Variants in CHRM3 observed in about 807,000 individuals in gnomAD.
The protein encoded by CHRM3 is cholinergic receptor muscarinic 3.
Under a neutral mutation model 41.8 loss-of-function variants are expected in CHRM3, and 11 were observed. That is an observed-to-expected ratio of 0.26 (90% CI 0.17 to 0.44). The LOEUF (loss-of-function observed/expected upper bound fraction) is 0.44. Among genes scored for constraint, CHRM3 ranks in the 20% least tolerant of loss-of-function variants. The pLI is 1.00. For synonymous variants in CHRM3, 297 were observed against 301.4 expected (o/e 0.99, Z 0.15); for missense variants, 571 against 745.4 (o/e 0.77, Z 2.72).
At chr1:239,405,979 C>T (rs1660562886) in intron 1 of CHRM3, among the ~76,000 whole-genome samples, 1 of 152,124 alleles carries the variant, frequency 6.6e-6, no homozygotes, top group Admixed American at 6.5e-5. Context: ...GCAACCTCCG[C>T]CTCCCGGGTT....
chr1:239,892,083 T>A (rs1203366798), intron 6 of CHRM3, among the ~76,000 whole-genome samples: 1 of 152,232 alleles, frequency 6.6e-6, no homozygotes, highest in East Asian at 1.9e-4. Context: ...GTTTTTTCAG[T>A]CATATTCCTC....
At chr1:239,503,459 A>G (rs1668373238) in intron 2 of CHRM3, among the ~76,000 whole-genome samples, 1 of 152,206 alleles carries the variant, frequency 6.6e-6, no homozygotes, top group South Asian at 2.1e-4. Flanking sequence ...GGCTGGAATC[A>G]ATATTGTGAA....
intron 5 of CHRM3, among the ~76,000 whole-genome samples, chr1:239,816,743 T>TTC (rs913503089): frequency 7.9e-5 from 12 of 151,560 alleles, no homozygotes; most frequent in African/African-American, 2.7e-4. Context: ...TTTTTTTTTT[T>TTC]TTTTTTGAGA....
chr1:239,388,118 A>T (rs1268622204), intron 1 of CHRM3, among the ~76,000 whole-genome samples: 1 of 152,158 alleles, frequency 6.6e-6, no homozygotes, highest in Non-Finnish European at 1.5e-5. Flanking sequence ...TGGTAGAGGC[A>T]GCAGGGATTT....
chr1:239,578,313 T>C (rs995363946), intron 3 of CHRM3, among the ~76,000 whole-genome samples: 1 of 152,208 alleles, frequency 6.6e-6, no homozygotes, highest in Non-Finnish European at 1.5e-5. Context: ...TTTATACATT[T>C]CATATTTTTA....
chr1:239,552,662 A>ATT (rs1558313380), intron 3 of CHRM3, among the ~76,000 whole-genome samples: 2 of 133,896 alleles, frequency 1.5e-5, no homozygotes, highest in African/African-American at 2.7e-5. Context: ...TATTATTATT[A>ATT]ATTATTTTTG....
chr1:239,780,918 G>A (rs979774687), intron 5 of CHRM3, among the ~76,000 whole-genome samples: 3 of 151,740 alleles, frequency 2.0e-5, no homozygotes, highest in Admixed American at 6.6e-5. Context: ...GTGAAAGATC[G>A]GTTCACTATA....
Position 239,701,350 on chromosome 1 carries a change from C to A in CHRM3, c.-147+23062C>A, listed in dbSNP as rs192291480. 3.3e-5 allele frequency among the ~76,000 whole-genome samples: 5 copies of A among 152,336 alleles called. No individual in the cohort carries two copies. In the East Asian group the frequency reaches 9.6e-4, roughly 29 times the overall value. ...TGATAAACTAATGAGCAAGACCAGA[C>A]AGAGGGGTGCCCAGAGGCATGGCGC... On this transcript the variant is annotated intron_variant, in intron 5 of 6. Transcript: ENST00000676153.
At chr1:239,487,978 TA>T (rs955433700) in intron 1 of CHRM3, among the ~76,000 whole-genome samples, 3 of 152,068 alleles carry the variant, frequency 2.0e-5, no homozygotes, top group African/African-American at 7.2e-5. Context: ...GAATAGTCAG[TA>T]ATCATGTAAA....
chr1:239,608,261 C>T (rs947168478), intron 3 of CHRM3, among the ~76,000 whole-genome samples: 5 of 152,144 alleles, frequency 3.3e-5, no homozygotes, highest in East Asian at 3.8e-4. Flanking sequence ...TCTGAACAAG[C>T]GCCATGGTAG....
At chr1:239,818,187 A>G (rs528169518) in intron 5 of CHRM3, among the ~76,000 whole-genome samples, 64 of 152,116 alleles carry the variant, frequency 4.2e-4, no homozygotes, top group Non-Finnish European at 5.0e-4. Context: ...GGGTCTTCAC[A>G]TGAGTTTTCC....
intron 3 of CHRM3, among the ~76,000 whole-genome samples, chr1:239,604,073 G>T (rs77573800): frequency 3.3e-5 from 5 of 152,100 alleles, no homozygotes; most frequent in Admixed American, 1.3e-4. Context: ...CATTAAAAAA[G>T]TTTCCTTGTG....
At chr1:239,677,219 A>T (rs1367283561) in intron 4 of CHRM3, among the ~76,000 whole-genome samples, 5 of 152,204 alleles carry the variant, frequency 3.3e-5, no homozygotes, top group African/African-American at 1.2e-4. Flanking sequence ...TTCCCTCATT[A>T]GACTTGGCTT....
intron 5 of CHRM3, among the ~76,000 whole-genome samples, chr1:239,804,597 A>G (rs544302458): frequency 9.9e-5 from 15 of 152,246 alleles, no homozygotes; most frequent in East Asian, 1.9e-4. Flanking sequence ...TGGGTTTCAA[A>G]AGGAAAGGAG....
At chr1:239,498,579 C>G (rs1472336432) in intron 2 of CHRM3, among the ~76,000 whole-genome samples, 1 of 151,958 alleles carries the variant, frequency 6.6e-6, no homozygotes, top group African/African-American at 2.4e-5. Flanking sequence ...AAACATAAAC[C>G]ATTAAGTATA....
At chr1:239,592,936 C>G (rs1349022420) in intron 3 of CHRM3, among the ~76,000 whole-genome samples, 3 of 151,940 alleles carry the variant, frequency 2.0e-5, no homozygotes, top group Admixed American at 1.3e-4. Flanking sequence ...ACCCCAGATC[C>G]GCTCCTCCCC....
At chr1:239,820,053 C>T (rs74743616) in intron 5 of CHRM3, among the ~76,000 whole-genome samples, 1 of 152,170 alleles carries the variant, frequency 6.6e-6, no homozygotes, top group Admixed American at 6.5e-5. Context: ...GGGTAATTCA[C>T]ACAACCTGTT....
intron 2 of CHRM3, among the ~76,000 whole-genome samples, chr1:239,537,733 G>A (rs941129155): frequency 2.0e-5 from 3 of 152,114 alleles, no homozygotes; most frequent in East Asian, 1.9e-4. Flanking sequence ...AAAGTTCATC[G>A]ATCCTCATCC....
intron 5 of CHRM3, among the ~76,000 whole-genome samples, chr1:239,742,646 G>A (rs572259209): frequency 2.4e-4 from 37 of 152,258 alleles, no homozygotes; most frequent in South Asian, 6.2e-4. Context: ...ACAGGCTTGC[G>A]TAACAGGAAG....
Sources: gnomAD v4.1 joint callset for allele counts (sites outside exome capture counted in the v4.1 genomes callset) on GRCh38, gnomAD v4.1.1 for gene constraint, MANE v1.5 for transcripts, NCBI Gene and HGNC (gene_info 2026-07-23, HGNC 2026-07-21) for gene names.